The following FAM110B variants were observed in gnomAD, a reference collection of about 807,000 sequenced individuals.
FAM110B encodes the protein family with sequence similarity 110 member B, also known as protein FAM110B.
FAM110B carries 6 observed loss-of-function variants against 20.4 expected under a neutral mutation model. The observed-to-expected ratio is 0.29, with a 90% CI of 0.16 to 0.58. The LOEUF (loss-of-function observed/expected upper bound fraction) is 0.58, where lower values mean the gene tolerates loss of function less well. Ranked by LOEUF, FAM110B falls within the 20% of genes least tolerant of loss-of-function variation. The probability of loss-of-function intolerance (pLI) is 0.90; values close to 1 mark genes in which losing one functional copy is unlikely to be tolerated. For missense variants in FAM110B, 434 were observed against 498.2 expected (o/e 0.87, Z 1.23); for synonymous variants, 226 against 214.1 (o/e 1.06, Z -0.49).
chr8:58,051,913 GA>G (rs1180816490), intron 2 of FAM110B, among the ~76,000 whole-genome samples: 1 of 152,160 alleles, frequency 6.6e-6, no homozygotes, highest in Non-Finnish European at 1.5e-5. Context: ...AAATGAGGTG[GA>G]TAATGGATCT....
intron 1 of FAM110B, among the ~76,000 whole-genome samples, chr8:58,000,376 A>G (rs13272691): frequency 0.03 from 4,625 of 152,300 alleles, 112 homozygotes; most frequent in Non-Finnish European, 0.049. Context: ...ATCTCATTGT[A>G]ATGACTTTTG....
At chr8:58,067,539 A>G (rs1805798987) in intron 2 of FAM110B, among the ~76,000 whole-genome samples, 1 of 152,168 alleles carries the variant, frequency 6.6e-6, no homozygotes, top group African/African-American at 2.4e-5. Context: ...GCCACACTCC[A>G]GCTGAGGAAG....
At chr8:58,052,076 TTGAC>T (rs1585844123) in intron 2 of FAM110B, among the ~76,000 whole-genome samples, 1 of 152,222 alleles carries the variant, frequency 6.6e-6, no homozygotes, top group East Asian at 1.9e-4. Context: ...CTTCCACTGT[TTGAC>T]TGAAGAATTT....
chr8:58,081,677 C>T (rs1806197154), intron 3 of FAM110B, among the ~76,000 whole-genome samples: 1 of 152,316 alleles, frequency 6.6e-6, no homozygotes, highest in South Asian at 2.1e-4. Context: ...CACCTGGTTC[C>T]TCAGAGCTTG....
chr8:58,033,106 A>G (rs965005021), intron 2 of FAM110B, among the ~76,000 whole-genome samples: 1 of 151,860 alleles, frequency 6.6e-6, no homozygotes, highest in African/African-American at 2.4e-5. Context: ...TCCCATTTTT[A>G]TATCCATGTG....
chr8:58,086,323 A>G (rs1806334589), intron 3 of FAM110B, among the ~76,000 whole-genome samples: 1 of 152,244 alleles, frequency 6.6e-6, no homozygotes. Context: ...ATTAAGAAAC[A>G]GGAAATTAAG....
chr8:58,116,748 T>A (rs1807224853), intron 3 of FAM110B, among the ~76,000 whole-genome samples: 1 of 152,180 alleles, frequency 6.6e-6, no homozygotes, highest in Admixed American at 6.5e-5. Flanking sequence ...CAAGAGATTA[T>A]AAATGAATGA....
chr8:58,128,749 TTTGAAAAAGCTGGCA>T (rs1438407777), intron 3 of FAM110B, among the ~76,000 whole-genome samples: 1 of 152,194 alleles, frequency 6.6e-6, no homozygotes, highest in Non-Finnish European at 1.5e-5. Flanking sequence ...GATCATAATG[TTTGAAAAAGCTGGCA>T]TTGAAAAATG....
At chr8:58,018,119 C>A (rs1804675706) in intron 1 of FAM110B, among the ~76,000 whole-genome samples, 1 of 138,482 alleles carries the variant, frequency 7.2e-6, no homozygotes, top group South Asian at 2.2e-4. Context: ...AATGCTCAAA[C>A]AAATGTATTT....
intron 2 of FAM110B, among the ~76,000 whole-genome samples, chr8:58,044,538 G>A (rs912617192): frequency 2.0e-5 from 3 of 152,220 alleles, no homozygotes; most frequent in Admixed American, 6.5e-5. Flanking sequence ...TAAAGAAGCT[G>A]TTAGGGTGGC....
chr8:58,064,394 CT>C (rs11318730), intron 2 of FAM110B, among the ~76,000 whole-genome samples: 31,125 of 148,138 alleles, frequency 0.21, 3,984 homozygotes, highest in African/African-American at 0.36. Context: ...AATGTATACA[CT>C]TTTTTTTTTT....
chr8:58,146,767 C>A lies in FAM110B; in HGVS notation c.537C>A (p.Ser179=). Residue 179 remains serine, a synonymous_variant, in exon 4 of 4, where the codon TCC becomes TCA. Transcript: ENST00000519262. Reference sequence around the variant, plus strand: ...GCAGGAGCCCGCAGGAGGGCGGCTCCCACGTGGGCAGGAGACTGCTGGAGC... The same window carrying A: ...GCAGGAGCCCGCAGGAGGGCGGCTCACACGTGGGCAGGAGACTGCTGGAGC... ...QGRRSPQEGG[S]HVGRRLLEQS... 6.2e-7 allele frequency: 1 copy of A among 1,611,684 alleles called. No individual in the cohort carries two copies. Among genetic ancestry groups the A allele is most frequent in the South Asian group, 1.1e-5 (1 of 90,872 alleles).
chr8:58,094,889 TG>T (rs1390221216), intron 3 of FAM110B, among the ~76,000 whole-genome samples: 2 of 152,220 alleles, frequency 1.3e-5, no homozygotes, highest in African/African-American at 4.8e-5. Flanking sequence ...GGATTTTTTT[TG>T]GTTGGTAGGC....
chr8:58,017,460 A>T (rs776471789), intron 1 of FAM110B, among the ~76,000 whole-genome samples: 1 of 152,188 alleles, frequency 6.6e-6, no homozygotes, highest in Non-Finnish European at 1.5e-5. Flanking sequence ...ACTGATGTCT[A>T]GGGGAAGGGC....
intron 1 of FAM110B, among the ~76,000 whole-genome samples, chr8:58,012,381 C>G (rs888433149): frequency 6.6e-6 from 1 of 151,076 alleles, no homozygotes; most frequent in East Asian, 1.9e-4. Flanking sequence ...AACTCTACAC[C>G]GAGAAGATGG....
chr8:58,135,976 T>C (rs1316853068), intron 3 of FAM110B, among the ~76,000 whole-genome samples: 1 of 146,638 alleles, frequency 6.8e-6, no homozygotes, highest in Non-Finnish European at 1.5e-5. Flanking sequence ...ATCCACTAAC[T>C]CTCAGACTTA....
intron 2 of FAM110B, among the ~76,000 whole-genome samples, chr8:58,042,770 A>G (rs559304959): frequency 6.6e-6 from 1 of 152,386 alleles, no homozygotes; most frequent in Non-Finnish European, 1.5e-5. Flanking sequence ...ATCCACATCA[A>G]AACTGCTTAT....
chr8:58,141,337 T>C (rs1197341545), intron 3 of FAM110B, among the ~76,000 whole-genome samples: 2 of 152,272 alleles, frequency 1.3e-5, no homozygotes, highest in African/African-American at 4.8e-5. Context: ...GGTAAATTGC[T>C]TCTTTTATTT....
At chr8:58,074,837 G>T (rs553566330) in intron 2 of FAM110B, among the ~76,000 whole-genome samples, 10 of 152,200 alleles carry the variant, frequency 6.6e-5, no homozygotes, top group Non-Finnish European at 1.5e-4. Context: ...GTGTACCAGG[G>T]ACTCTGAGGC....
Sources: gnomAD v4.1 joint callset for allele counts (sites outside exome capture counted in the v4.1 genomes callset) on GRCh38, gnomAD v4.1.1 for gene constraint, MANE v1.5 for transcripts, NCBI Gene and HGNC (gene_info 2026-07-23, HGNC 2026-07-21) for gene names.